The following DPY19L4 variants were observed in gnomAD, a reference collection of about 807,000 sequenced individuals.
DPY19L4 encodes the protein dpy-19 like 4.
In DPY19L4, 97 loss-of-function variants were observed where a neutral mutation model predicts 102.8. That is an observed-to-expected ratio of 0.94 (90% CI 0.80 to 1.12). The LOEUF is 1.12. Ranked by LOEUF, DPY19L4 falls within the 50% of genes most tolerant of loss-of-function variation. The pLI, the probability that DPY19L4 is intolerant of heterozygous loss-of-function variation, is 0.00. For synonymous variants in DPY19L4, 252 were observed against 283.1 expected (o/e 0.89, Z 1.10); for missense variants, 815 against 850.4 (o/e 0.96, Z 0.52).
At chr8:94,780,564 T>C (rs1006995178) in intron 15 of DPY19L4, 149 bp downstream of exon 15, 8 of 518,726 alleles carry the variant, frequency 1.5e-5, no homozygotes, top group Non-Finnish European at 2.4e-5. Flanking sequence ...TTTTTTGTTA[T>C]TAGGAACATT....
intron 8 of DPY19L4, among the ~76,000 whole-genome samples, chr8:94,764,853 C>G (rs139117629): frequency 6.7e-6 from 1 of 148,434 alleles, no homozygotes; most frequent in Non-Finnish European, 1.5e-5. Flanking sequence ...CTCAGCCTCC[C>G]GAGTGGCTGG....
intron 1 of DPY19L4, among the ~76,000 whole-genome samples, chr8:94,722,462 T>A (rs1810507131): frequency 6.6e-6 from 1 of 152,136 alleles, no homozygotes; most frequent in East Asian, 1.9e-4. Context: ...TACATATAAT[T>A]CAAAAGCAGT....
chr8:94,736,425 TTAATC>T (rs1270719078), intron 3 of DPY19L4, among the ~76,000 whole-genome samples: 4 of 152,220 alleles, frequency 2.6e-5, no homozygotes, highest in East Asian at 3.8e-4. Flanking sequence ...TTGATTTTGT[TTAATC>T]TAGTCTTTCT....
At chr8:94,783,250 G>A (rs1813510836) in intron 16 of DPY19L4, among the ~76,000 whole-genome samples, 1 of 149,886 alleles carries the variant, frequency 6.7e-6, no homozygotes, top group Non-Finnish European at 1.5e-5. Context: ...AGGAGGAGAG[G>A]TGGATTTGGA....
intron 4 of DPY19L4, 43 bp from the exon 5 acceptor site, chr8:94,739,370 G>A: frequency 6.6e-7 from 1 of 1,512,008 alleles, no homozygotes. Context: ...TAATTACTGT[G>A]AAGCAGAATA....
intron 4 of DPY19L4, 109 bp from the exon 5 acceptor site, chr8:94,739,299 GTATTC>G (rs1317782957): frequency 1.5e-4 from 190 of 1,260,224 alleles, no homozygotes; most frequent in Non-Finnish European, 1.9e-4. Flanking sequence ...GCAGCATGGA[GTATTC>G]TATTTGGGAT....
At chr8:94,749,752 A>G (rs1196795925) in intron 6 of DPY19L4, among the ~76,000 whole-genome samples, 1 of 152,156 alleles carries the variant, frequency 6.6e-6, no homozygotes, top group East Asian at 1.9e-4. Flanking sequence ...TTAACCAGGG[A>G]ATGATAAACC....
rs1356036618 is a variant in DPY19L4, at chr8:94,768,424, A to C, written c.1205A>C (p.Gln402Pro). The change falls in exon 12 of 19, where the codon CAA becomes CCA. Residue 402 changes from glutamine to proline, a missense_variant. Gln to Pro is a moderately conservative substitution (Grantham distance 76, BLOSUM62 -1). Transcript: ENST00000414645. The part of the protein sequence containing the change: ...KNFTMNWLLC[Q>P]ESLQAPSQDF... ...TTTACAATGAATTGGCTCCTCTGTC[A>C]AGAATCCCTGCAGGCACCATCTCAA... The C allele has an allele frequency of 2.5e-6, 4 of 1,603,936 alleles. No individual in the cohort carries two copies. The highest frequency in any genetic ancestry group is 3.4e-6 in the Non-Finnish European group (4 of 1,177,504).
intron 6 of DPY19L4, among the ~76,000 whole-genome samples, chr8:94,754,418 C>A (rs1264679801): frequency 6.6e-6 from 1 of 152,052 alleles, no homozygotes; most frequent in Non-Finnish European, 1.5e-5. Context: ...GAGGATGTAA[C>A]ATTTGTAATT....
At position 94,734,713 on chromosome 8, in the gene DPY19L4, T is replaced by G; in HGVS notation, c.211T>G (p.Ser71Ala). ...TSGMMYALYL[S>A]AYHERKFWFS... ...TGGTATGATGTATGCTCTCTACTTA[T>G]CAGCATACCATGAACGGAAATTCTG... is the stretch of plus-strand genomic sequence containing the variant. The change falls in exon 3 of 19, where the codon TCA (serine) becomes GCA (alanine). Residue 71 changes from serine (S) to alanine (A), a missense_variant. Physicochemically the swap from Ser to Ala is moderately conservative, Grantham distance 99 (BLOSUM62 1). Transcript: ENST00000414645. The G allele has an allele frequency of 2.5e-6, 4 of 1,613,998 alleles. No homozygotes were observed. Among genetic ancestry groups the G allele is most frequent in the Non-Finnish European group, 3.4e-6 (4 of 1,179,950 alleles).
rs1266163340 is a variant in DPY19L4, at chr8:94,766,606, T to C, written c.1102-6T>C. On this transcript the variant is annotated splice_polypyrimidine_tract_variant and splice_region_variant and intron_variant, in intron 10 of 18. Transcript: ENST00000414645. Reference sequence around the variant, plus strand: ...TCTTTGTTTAACTGGTGTTTTTCTCTTCTAGATGTTTGTCCCACACAAAGA... The same window carrying C: ...TCTTTGTTTAACTGGTGTTTTTCTCCTCTAGATGTTTGTCCCACACAAAGA... The C allele has an allele frequency of 6.2e-7, 1 of 1,613,388 alleles. No homozygotes were observed. The highest frequency in any genetic ancestry group is 8.5e-7 in the Non-Finnish European group (1 of 1,179,712).
intron 6 of DPY19L4, among the ~76,000 whole-genome samples, chr8:94,751,774 G>A (rs1432385195): frequency 6.6e-6 from 1 of 152,198 alleles, no homozygotes; most frequent in African/African-American, 2.4e-5. Flanking sequence ...ACAGGTGTGA[G>A]CAAGCATGCC....
At chr8:94,759,474 G>C (rs1201352100) in intron 7 of DPY19L4, among the ~76,000 whole-genome samples, 1 of 149,042 alleles carries the variant, frequency 6.7e-6, no homozygotes, top group African/African-American at 2.5e-5. Context: ...TTACTGGTGT[G>C]AGCCACTGTG....
intron 3 of DPY19L4, among the ~76,000 whole-genome samples, chr8:94,736,865 T>C (rs569027310): frequency 7.2e-5 from 11 of 152,338 alleles, no homozygotes; most frequent in African/African-American, 2.6e-4. Flanking sequence ...ATTATGGACT[T>C]CTAACACTTC....
At chr8:94,774,039 TAAAAAAA>T (rs79751438) in intron 13 of DPY19L4, among the ~76,000 whole-genome samples, 2 of 102,782 alleles carry the variant, frequency 1.9e-5, no homozygotes, top group Admixed American at 1.2e-4. Context: ...TGTCTTTAGT[TAAAAAAA>T]AAAAAAAAAA....
chr8:94,738,972 A>G (rs1293612128), intron 4 of DPY19L4, among the ~76,000 whole-genome samples: 1 of 152,206 alleles, frequency 6.6e-6, no homozygotes, highest in African/African-American at 2.4e-5. Flanking sequence ...GGTAGTTAGT[A>G]TATCCATCAC....
intron 4 of DPY19L4, among the ~76,000 whole-genome samples, chr8:94,738,827 T>A (rs1811310992): frequency 6.6e-6 from 1 of 152,196 alleles, no homozygotes; most frequent in African/African-American, 2.4e-5. Flanking sequence ...ATCAATATTT[T>A]TCTTAAATAA....
chr8:94,765,900 T>C (rs892360281), intron 10 of DPY19L4, 91 bp downstream of exon 10: 9 of 816,266 alleles, frequency 1.1e-5, no homozygotes, highest in African/African-American at 7.0e-5. Flanking sequence ...AGATAGCACG[T>C]AATAGAGTTT....
At chr8:94,736,528 T>C (rs1172706119) in intron 3 of DPY19L4, among the ~76,000 whole-genome samples, 1 of 152,256 alleles carries the variant, frequency 6.6e-6, no homozygotes, top group Non-Finnish European at 1.5e-5. Flanking sequence ...TGAAAAGTGC[T>C]CTAATATTTT....
Sources: allele counts gnomAD v4.1 joint callset (sites outside exome capture counted in the v4.1 genomes callset), GRCh38; gene constraint gnomAD v4.1.1; transcripts MANE v1.5; gene names NCBI Gene and HGNC (gene_info 2026-07-23, HGNC 2026-07-21).